NRXN3: variants seen among roughly 807,000 people sequenced by gnomAD.
NRXN3 encodes neurexin 3, also known as neurexin III.
NRXN3 carries 32 observed loss-of-function variants against 137.6 expected under a neutral mutation model. The ratio of observed to expected loss-of-function variants is 0.23; its 90% CI spans 0.18 to 0.31. The LOEUF (loss-of-function observed/expected upper bound fraction) is 0.31, where lower values mean the gene tolerates loss of function less well. Among genes scored for constraint, NRXN3 ranks in the 10% least tolerant of loss-of-function variants. NRXN3 has a pLI of 1.00. For synonymous variants in NRXN3, 798 were observed against 784.5 expected (o/e 1.02, Z -0.29); for missense variants, 1,574 against 2,062.5 (o/e 0.76, Z 4.59).
chr14:78,268,741 G>T (rs2072229879), intron 2 of NRXN3, among the ~76,000 whole-genome samples: 1 of 152,012 alleles, frequency 6.6e-6, no homozygotes. Flanking sequence ...TGTTAAGTGG[G>T]GTAACAACAG....
intron 14 of NRXN3, among the ~76,000 whole-genome samples, chr14:78,970,681 G>A (rs2153009735): frequency 1.3e-5 from 2 of 152,302 alleles, no homozygotes; most frequent in South Asian, 2.1e-4. Flanking sequence ...AAGAGCATCA[G>A]CAAAAAGAAA....
chr14:78,380,754 C>T (rs1293208426), intron 4 of NRXN3, among the ~76,000 whole-genome samples: 1 of 150,792 alleles, frequency 6.6e-6, no homozygotes, highest in Non-Finnish European at 1.5e-5. Context: ...GACACTAATA[C>T]ACAGGTTGAA....
chr14:78,269,428 C>T (rs755031156), intron 2 of NRXN3, among the ~76,000 whole-genome samples: 4 of 152,104 alleles, frequency 2.6e-5, no homozygotes, highest in Non-Finnish European at 4.4e-5. Flanking sequence ...TGGTAGTTTT[C>T]AGGGGCCAGT....
intron 15 of NRXN3, among the ~76,000 whole-genome samples, chr14:79,115,324 T>TC (rs1357541388): frequency 7.7e-5 from 1 of 13,030 alleles, no homozygotes; most frequent in African/African-American, 2.1e-4. Flanking sequence ...AAACTCTGTC[T>TC]CAAAAAAAAA....
chr14:78,778,859 C>T (rs563393558), intron 8 of NRXN3, among the ~76,000 whole-genome samples: 1 of 142,664 alleles, frequency 7.0e-6, no homozygotes, highest in African/African-American at 2.6e-5. Flanking sequence ...CTTATTTTCT[C>T]TCATTCAAGC....
At chr14:79,469,925 G>A (rs1412257405) in intron 16 of NRXN3, among the ~76,000 whole-genome samples, 2 of 152,128 alleles carry the variant, frequency 1.3e-5, no homozygotes, top group Non-Finnish European at 2.9e-5. Flanking sequence ...AAGACTAAAT[G>A]GCTTAATTAT....
intron 15 of NRXN3, among the ~76,000 whole-genome samples, chr14:79,096,167 G>A (rs1413205729): frequency 6.6e-6 from 1 of 151,488 alleles, no homozygotes; most frequent in Non-Finnish European, 1.5e-5. Context: ...GAGTGCAGTG[G>A]CACCATCTCG....
intron 15 of NRXN3, among the ~76,000 whole-genome samples, chr14:79,032,788 G>A (rs533259708): frequency 1.3e-4 from 20 of 152,202 alleles, no homozygotes; most frequent in Admixed American, 2.6e-4. Context: ...TTAAGCACTA[G>A]AATTTGTGTT....
chr14:78,964,212 A>G (rs751717540), intron 11 of NRXN3, among the ~76,000 whole-genome samples: 5 of 152,206 alleles, frequency 3.3e-5, no homozygotes, highest in African/African-American at 4.8e-5. Flanking sequence ...TGTCACTGTA[A>G]TTCTGAGCCA....
intron 15 of NRXN3, chr14:79,279,549 TTCC>T (rs1566648766): frequency 1.6e-5 from 16 of 985,782 alleles, no homozygotes; most frequent in Non-Finnish European, 1.9e-5. Flanking sequence ...CCGCACCGGG[TTCC>T]TCCTCCTCTC....
chr14:78,583,969 A>G (rs2097032243), intron 4 of NRXN3, among the ~76,000 whole-genome samples: 1 of 152,188 alleles, frequency 6.6e-6, no homozygotes, highest in African/African-American at 2.4e-5. Flanking sequence ...AAGAACTTTC[A>G]TGCATTTACT....
At chr14:79,049,932 G>T (rs1320894769) in intron 15 of NRXN3, among the ~76,000 whole-genome samples, 1 of 152,054 alleles carries the variant, frequency 6.6e-6, no homozygotes, top group Non-Finnish European at 1.5e-5. Flanking sequence ...CTCTCTGCAG[G>T]AGTCTCACTC....
intron 16 of NRXN3, among the ~76,000 whole-genome samples, chr14:79,648,685 G>A (rs1289367823): frequency 6.7e-6 from 1 of 149,900 alleles, no homozygotes; most frequent in Non-Finnish European, 1.5e-5. Context: ...TGTGGTAGAG[G>A]CATGACTTCT....
At chr14:78,401,776 T>C (rs76787529) in intron 4 of NRXN3, among the ~76,000 whole-genome samples, 5,988 of 152,306 alleles carry the variant, frequency 0.039, 174 homozygotes, top group Non-Finnish European at 0.057. Context: ...ATTCAATCTA[T>C]AACTCATACT....
intron 4 of NRXN3, among the ~76,000 whole-genome samples, chr14:78,396,852 A>C (rs1340755927): frequency 6.6e-6 from 1 of 152,092 alleles, no homozygotes; most frequent in Non-Finnish European, 1.5e-5. Context: ...GAACAATAGA[A>C]ATTTATTTTC....
intron 1 of NRXN3, among the ~76,000 whole-genome samples, chr14:78,210,594 G>A (rs1241056821): frequency 6.6e-6 from 1 of 151,864 alleles, no homozygotes; most frequent in Non-Finnish European, 1.5e-5. Flanking sequence ...GTATACACCT[G>A]TGTAACAAAC....
chr14:79,056,497 A>G lies in NRXN3; in HGVS notation c.3262+68356A>G, dbSNP rs529976599. 1.1e-4 allele frequency among the ~76,000 whole-genome samples: 16 copies of G among 152,316 alleles called. No individual in the cohort carries two copies. The East Asian group carries it at 2.9e-3, about 28-fold the overall frequency. ...CAACTAACTAAAATCAGTGAAACAC[A>G]TATCAATATAAACAAAGAGCTATGG... On this transcript the variant is annotated intron_variant, in intron 15 of 20. Transcript: ENST00000335750.
chr14:78,197,679 T>C (rs1447499824), intron 1 of NRXN3, among the ~76,000 whole-genome samples: 1 of 152,238 alleles, frequency 6.6e-6, no homozygotes, highest in Non-Finnish European at 1.5e-5. Context: ...CACATCTTGA[T>C]GGAAGGAGCT....
Position 79,702,252 on chromosome 14 carries a change from C to T in NRXN3, c.4014+4315C>T, listed in dbSNP as rs74063923. Among the ~76,000 whole-genome samples the T allele has an allele frequency of 4.7e-3, 710 of 152,154 alleles. 8 individuals are homozygous for T. Among genetic ancestry groups the T allele is most frequent in the African/African-American group, 0.017 (691 of 41,524 alleles). On this transcript the variant is annotated intron_variant, in intron 19 of 20. Transcript: ENST00000335750. The stretch of plus-strand genomic sequence containing the variant: ...TTCTATGAGTCTTTGAAAATATGTT[C>T]TGTCTATCCACATGTCTTTTAGGGT...
Sources: gnomAD v4.1 joint callset for allele counts (sites outside exome capture counted in the v4.1 genomes callset) on GRCh38, gnomAD v4.1.1 for gene constraint, MANE v1.5 for transcripts, NCBI Gene and HGNC (gene_info 2026-07-23, HGNC 2026-07-21) for gene names.